Variants in ZNF578 observed in about 807,000 individuals in gnomAD.
ZNF578 encodes the protein zinc finger protein 578.
Under a neutral mutation model 8.3 loss-of-function variants are expected in ZNF578, and 8 were observed. The observed-to-expected ratio is 0.96, with a 90% CI of 0.56 to 1.74. The LOEUF is 1.74. ZNF578 is among the 40% of genes most tolerant of loss of function. The pLI is 0.00. For synonymous variants in ZNF578, 206 were observed against 232.2 expected, an observed-to-expected ratio of 0.89 and a Z score of 1.03; for missense variants, 726 against 707.5, an observed-to-expected ratio of 1.03 and a Z score of -0.30.
intron 5 of ZNF578, among the ~76,000 whole-genome samples, chr19:52,506,853 G>A (rs902401952): frequency 2.0e-5 from 3 of 152,184 alleles, no homozygotes; most frequent in Non-Finnish European, 2.9e-5. Flanking sequence ...AGTTTTACAG[G>A]ACAGACTCTA....
In ZNF578 at chr19:52,511,304, G is replaced by T. The variant is rs1480296907; in HGVS notation, c.923G>T (p.Cys308Phe). 8 of 1,613,630 alleles carry T rather than the reference G, an allele frequency of 5.0e-6. No individual in the cohort carries two copies. Among genetic ancestry groups the T allele is most frequent in the Non-Finnish European group, 6.8e-6 (8 of 1,179,906 alleles). ...YKSSLTCHRRCHTGEKPYKCN... is the reference protein window; with the variant it reads ...YKSSLTCHRRFHTGEKPYKCN... ...TCATCCCTGACATGCCATCGTAGATGTCACACTGGTGAGAAACCTTACAAG... is the reference window on the plus strand; with the variant it reads ...TCATCCCTGACATGCCATCGTAGATTTCACACTGGTGAGAAACCTTACAAG... The change falls in exon 6 of 6, where the codon TGT becomes TTT. Residue 308 changes from cysteine to phenylalanine, a missense_variant. Coordinates refer to ENST00000421239, the MANE Select transcript of ZNF578 (RefSeq NM_001099694.2).
Position 52,507,693 on chromosome 19 carries a change from G to C in ZNF578, c.191-2879G>C, listed in dbSNP as rs570920782. On this transcript the variant is annotated intron_variant, in intron 5 of 5. Coordinates refer to ENST00000421239, the MANE Select transcript of ZNF578 (RefSeq NM_001099694.2). ...CGTGGTTTAGCCCAGCCGTCTTCCT[G>C]CTGTGTCCTGACATGGGGGAAAGAG... 4.6e-5 allele frequency among the ~76,000 whole-genome samples: 7 copies of C among 152,318 alleles called. No individual in the cohort carries two copies. In the East Asian group the frequency reaches 1.3e-3, roughly 29 times the overall value.
rs1452885196 is a variant in ZNF578, at chr19:52,516,866, C to T, written c.*4712C>T. ...CCTGCACCCAGGTGAAATAAACAGCCTCGTTGCTCACACAAAGCCTGTTTA... is the reference window on the plus strand; with the variant it reads ...CCTGCACCCAGGTGAAATAAACAGCTTCGTTGCTCACACAAAGCCTGTTTA... On this transcript the variant is annotated 3_prime_UTR_variant, in exon 6 of 6. Transcript: ENST00000421239. Among the ~76,000 whole-genome samples, 2 of 152,220 alleles carry T rather than the reference C, an allele frequency of 1.3e-5. No individual in the cohort carries two copies. Among genetic ancestry groups the T allele is most frequent in the Non-Finnish European group, 2.9e-5 (2 of 68,050 alleles).
chr19:52,502,902 A>G (rs866517225), intron 4 of ZNF578, among the ~76,000 whole-genome samples: 11 of 152,224 alleles, frequency 7.2e-5, no homozygotes, highest in African/African-American at 2.6e-4. Flanking sequence ...ATATGTATGT[A>G]TGTATTTTAA....
At position 52,516,240 on chromosome 19, in the gene ZNF578, C is replaced by A. The variant is rs1276397205; in HGVS notation, c.*4086C>A. 6.6e-6 allele frequency among the ~76,000 whole-genome samples: 1 copy of A among 152,188 alleles called. No individual in the cohort carries two copies. Among genetic ancestry groups the A allele is most frequent in the African/African-American group, 2.4e-5 (1 of 41,440 alleles). ...AAGCTCCTGAGCTCAAGTGATCTAC[C>A]CACCTCGGCCTCCTAGAGTGCTGGG... On this transcript the variant is annotated 3_prime_UTR_variant, in exon 6 of 6. Transcript: ENST00000421239.
chr19:52,498,700 T>TTTTTTTTTTC (rs2059396128), intron 3 of ZNF578, among the ~76,000 whole-genome samples: 1 of 148,922 alleles, frequency 6.7e-6, no homozygotes, highest in African/African-American at 2.5e-5. Flanking sequence ...TTTTTTTTTT[T>TTTTTTTTTTC]TGTAAGACAG....
chr19:52,495,958 T>A (rs2020411), intron 3 of ZNF578, among the ~76,000 whole-genome samples: 3,301 of 152,110 alleles, frequency 0.022, 117 homozygotes, highest in African/African-American at 0.074. Context: ...AAGTGCTTTT[T>A]TTCTCTTTTT....
Position 52,508,871 on chromosome 19 carries a change from C to T in ZNF578, c.191-1701C>T, listed in dbSNP as rs141520952. ...AACTGTAGTTGTGACCTCATAATTG[C>T]ACTTTTCTACACTATTAGTCAATTT... On this transcript the variant is annotated intron_variant, in intron 5 of 5. Transcript: ENST00000421239. 1.9e-3 allele frequency among the ~76,000 whole-genome samples: 282 copies of T among 145,868 alleles called. 9 individuals carry two copies. In the East Asian group the frequency reaches 0.048, roughly 25 times the overall value.
At chr19:52,502,929 G>A (rs1568465480) in intron 4 of ZNF578, among the ~76,000 whole-genome samples, 1 of 152,124 alleles carries the variant, frequency 6.6e-6, no homozygotes, top group Non-Finnish European at 1.5e-5. Flanking sequence ...GTCTCGCTCA[G>A]TCACCAAAGC....
intron 1 of ZNF578, chr19:52,455,651 C>T (rs1039740019): frequency 6.6e-5 from 10 of 152,304 alleles, no homozygotes; most frequent in African/African-American, 2.4e-4. Flanking sequence ...TTTACGTGTC[C>T]ACTAGTGACT....
At chr19:52,491,915 G>A (rs532523198) in intron 3 of ZNF578, among the ~76,000 whole-genome samples, 7 of 151,864 alleles carry the variant, frequency 4.6e-5, no homozygotes, top group Admixed American at 4.6e-4. Flanking sequence ...AAGCCAAGCA[G>A]TTTGGGAGGC....
At position 52,504,676 on chromosome 19, in the gene ZNF578, G is replaced by A. The variant is rs372156169; in HGVS notation, c.85G>A (p.Val29Met). The change falls in exon 5 of 6, where the codon GTG becomes ATG. Residue 29 changes from valine to methionine, a missense_variant. By Grantham distance (21) the Val-to-Met change is conservative (BLOSUM62 1). Transcript: ENST00000421239. Reference protein sequence around the residue: ...LPQGRLTFRDVAIEFSLAEWK... With the variant: ...LPQGRLTFRDMAIEFSLAEWK... ...TTAGGGACGCTTGACTTTCAGGGAT[G>A]TGGCTATAGAATTCTCATTGGCAGA... is the stretch of plus-strand genomic sequence containing the variant. The A allele has an allele frequency of 1.5e-4, 244 of 1,614,010 alleles. No homozygotes were observed. The highest frequency in any genetic ancestry group is 2.0e-4 in the Non-Finnish European group (239 of 1,180,020).
intron 2 of ZNF578, among the ~76,000 whole-genome samples, chr19:52,472,191 G>C (rs2059294051): frequency 6.6e-6 from 1 of 152,166 alleles, no homozygotes; most frequent in Non-Finnish European, 1.5e-5. Flanking sequence ...ATGAGTTCGA[G>C]ACCAGCCTGC....
chr19:52,465,466 TCTC>T lies in ZNF578; in HGVS notation c.-122+8515_-122+8517del, dbSNP rs79740808. The stretch of plus-strand genomic sequence containing the variant: ...GAGTTCTGATTATCAAACTCCTCTC[TCTC>T]CTCCTCTGACTCAGCCTCATCGTCT... On this transcript the variant is annotated intron_variant, in intron 2 of 5. Coordinates refer to ENST00000421239, the MANE Select transcript of ZNF578 (RefSeq NM_001099694.2). Among the ~76,000 whole-genome samples the T allele has an allele frequency of 3.3e-5, 5 of 152,136 alleles. No individual in the cohort carries two copies. In the East Asian group the frequency reaches 9.7e-4, roughly 29 times the overall value.
rs71180468 is a variant in ZNF578, at chr19:52,459,612, T to TACACAC, written c.-122+2688_-122+2693dup. ...TGCTTTCAAGTCTTTAATGTGTATG[T>TACACAC]ACACACACACACACACACACACACA... On this transcript the variant is annotated intron_variant, in intron 2 of 5. Transcript: ENST00000421239. Among the ~76,000 whole-genome samples, 377 of 118,744 alleles carry TACACAC rather than the reference T, an allele frequency of 3.2e-3. 1 individual carries two copies. The highest frequency in any genetic ancestry group is 0.01 in the African/African-American group (315 of 30,592). 77.9% of individuals were successfully genotyped at this position (118,744 alleles called of 152,430 possible).
chr19:52,481,062 C>T (rs1429420877), intron 2 of ZNF578, among the ~76,000 whole-genome samples: 4 of 152,124 alleles, frequency 2.6e-5, no homozygotes, highest in African/African-American at 9.7e-5. Context: ...CTGACCCCCT[C>T]ATTCATGTGT....
At chr19:52,462,681 G>A (rs2903895) in intron 2 of ZNF578, among the ~76,000 whole-genome samples, 134,918 of 152,142 alleles carry the variant, frequency 0.89, 60,590 homozygotes, top group Non-Finnish European at 0.96. Flanking sequence ...CTCACTTGAC[G>A]GGTTTTGTTT....
At chr19:52,489,796 C>T (rs578199357) in intron 2 of ZNF578, among the ~76,000 whole-genome samples, 2 of 151,848 alleles carry the variant, frequency 1.3e-5, no homozygotes, top group East Asian at 4.0e-4. Context: ...GCTGGGACTA[C>T]AGGCGCCCGC....
intron 2 of ZNF578, among the ~76,000 whole-genome samples, chr19:52,462,288 T>A (rs2122770957): frequency 6.6e-6 from 1 of 152,344 alleles, no homozygotes; most frequent in Non-Finnish European, 1.5e-5. Flanking sequence ...GCCAATGTTG[T>A]TGATAGCCTT....
Sources: allele counts gnomAD v4.1 joint callset (sites outside exome capture counted in the v4.1 genomes callset), GRCh38; gene constraint gnomAD v4.1.1; transcripts MANE v1.5; gene names NCBI Gene and HGNC (gene_info 2026-07-23, HGNC 2026-07-21).